Variants in FREM2 observed in about 807,000 individuals in gnomAD.
The protein encoded by FREM2 is FRAS1 related extracellular matrix 2, also known as FRAS1-related extracellular matrix protein 2.
FREM2 carries 119 observed loss-of-function variants against 219.9 expected under a neutral mutation model. That is an observed-to-expected ratio of 0.54 (90% CI 0.47 to 0.63). The LOEUF (loss-of-function observed/expected upper bound fraction) is 0.63, where lower values mean the gene tolerates loss of function less well. Ranked by LOEUF, FREM2 falls within the 30% of genes least tolerant of loss-of-function variation. FREM2 has a pLI of 0.00. For missense variants in FREM2, 4,030 were observed against 3,993.6 expected, an observed-to-expected ratio of 1.01 and a Z score of -0.25; for synonymous variants, 1,562 against 1,522.8, an observed-to-expected ratio of 1.03 and a Z score of -0.60.
chr13:38,688,063 C>A lies in FREM2; in HGVS notation c.719C>A (p.Pro240His). 6.2e-7 allele frequency: 1 copy of A among 1,609,198 alleles called. No homozygotes were observed. Among genetic ancestry groups the A allele is most frequent in the Non-Finnish European group, 8.5e-7 (1 of 1,176,292 alleles). The change falls in exon 1 of 24, where the codon CCT becomes CAT. Residue 240 changes from proline (P) to histidine (H), a missense_variant. Around this residue, in one of 2 missense-constraint regions of FREM2, gnomAD observed 3,102 missense variants for 2,950.7 expected, o/e 1.05. Transcript: ENST00000280481. ...GAACTCCTCCACTACCCGCAGGTCC[C>A]TGGAGGAGCCAGAGAGGGAGGCGCC... The part of the protein sequence containing the change: ...YGELLHYPQV[P>H]GGAREGGAPE...
At chr13:38,857,681 A>G (rs977247563) in intron 12 of FREM2, among the ~76,000 whole-genome samples, 194 bp from the exon 13 acceptor site, 19 of 152,160 alleles carry the variant, frequency 1.2e-4, no homozygotes, top group South Asian at 4.1e-4. Flanking sequence ...TGGAACCATA[A>G]GATGTGAACA....
Position 38,690,629 on chromosome 13 carries a change from C to G in FREM2, c.3285C>G (p.Val1095=), listed in dbSNP as rs747810659. The G allele has an allele frequency of 6.2e-7, 1 of 1,613,770 alleles. No individual in the cohort carries two copies. Among genetic ancestry groups the G allele is most frequent in the Non-Finnish European group, 8.5e-7 (1 of 1,179,972 alleles). The stretch of plus-strand genomic sequence containing the variant: ...CAGTGCATATAAGTGCTGAAGATGT[C>G]GACTCCCTGAATGATGACATCTTGT... ...ITSVHISAED[V]DSLNDDILCT... is the part of the protein sequence containing the mutation. Residue 1095 remains valine (V), a synonymous_variant, in exon 1 of 24, where the codon GTC becomes GTG. Transcript: ENST00000280481.
rs573488488 is a variant in FREM2, at chr13:38,734,757, T to C, written c.5264-29547T>C. Among the ~76,000 whole-genome samples, 12 of 148,022 alleles carry C rather than the reference T, an allele frequency of 8.1e-5. No homozygotes were observed. The South Asian group carries it at 2.4e-3, about 29-fold the overall frequency. ...GCTATACTTTTTTTTTTTTTTTTTT[T>C]TTTTTCTGAAACACAGTCTCACTCT... On this transcript the variant is annotated intron_variant, in intron 2 of 23. Coordinates refer to ENST00000280481, the MANE Select transcript of FREM2 (RefSeq NM_207361.6).
intron 14 of FREM2, among the ~76,000 whole-genome samples, chr13:38,860,362 C>G (rs1166948650): frequency 6.6e-6 from 1 of 152,146 alleles, no homozygotes; most frequent in Admixed American, 6.5e-5. Context: ...AGGAAATCCA[C>G]TGTATAAATA....
intron 6 of FREM2, among the ~76,000 whole-genome samples, chr13:38,807,189 T>TATGTATA (rs1555268805): frequency 4.4e-5 from 2 of 45,378 alleles, no homozygotes; most frequent in Admixed American, 3.8e-4. Context: ...CTTGTCTCTG[T>TATGTATA]TATATATATA....
At chr13:38,761,278 G>A (rs1041372851) in intron 2 of FREM2, among the ~76,000 whole-genome samples, 33 of 152,238 alleles carry the variant, frequency 2.2e-4, no homozygotes, top group Non-Finnish European at 5.9e-5. Context: ...AAAAAGCTTG[G>A]TAGAGCATGA....
At chr13:38,745,603 T>C (rs557299053) in intron 2 of FREM2, among the ~76,000 whole-genome samples, 54 of 152,300 alleles carry the variant, frequency 3.5e-4, no homozygotes, top group African/African-American at 9.1e-4. Context: ...GGAGTCTAGG[T>C]TGGCACCCTA....
intron 2 of FREM2, among the ~76,000 whole-genome samples, chr13:38,739,236 C>T (rs1383496631): frequency 6.6e-6 from 1 of 152,054 alleles, no homozygotes; most frequent in Non-Finnish European, 1.5e-5. Flanking sequence ...ATTTTAAAAA[C>T]AGGAAAATAT....
intron 17 of FREM2, among the ~76,000 whole-genome samples, chr13:38,873,514 A>G (rs143875061): frequency 6.6e-6 from 1 of 152,320 alleles, no homozygotes; most frequent in African/African-American, 2.4e-5. Flanking sequence ...CTTTAGTTGA[A>G]TGTCTGCGAA....
chr13:38,697,141 G>A (rs1870144567), intron 1 of FREM2, among the ~76,000 whole-genome samples: 1 of 152,100 alleles, frequency 6.6e-6, no homozygotes, highest in African/African-American at 2.4e-5. Context: ...TCAACAGGGA[G>A]TCATCAGTTA....
intron 6 of FREM2, among the ~76,000 whole-genome samples, chr13:38,826,340 A>G (rs1431330370): frequency 1.3e-5 from 2 of 152,120 alleles, no homozygotes; most frequent in African/African-American, 4.8e-5. Flanking sequence ...GGCATTTCGT[A>G]AGTGACTGAG....
intron 21 of FREM2, among the ~76,000 whole-genome samples, chr13:38,877,685 T>C (rs553189212): frequency 6.6e-6 from 1 of 152,206 alleles, no homozygotes; most frequent in Non-Finnish European, 1.5e-5. Context: ...AAATAAAGAA[T>C]TGAACACCAG....
chr13:38,837,785 G>GTT (rs1333688816), intron 6 of FREM2, among the ~76,000 whole-genome samples: 7 of 138,068 alleles, frequency 5.1e-5, no homozygotes, highest in African/African-American at 1.8e-4. Flanking sequence ...GTTTTGTTTT[G>GTT]TTTTGTTTTT....
At chr13:38,726,563 T>C (rs1187919123) in intron 2 of FREM2, among the ~76,000 whole-genome samples, 1 of 152,114 alleles carries the variant, frequency 6.6e-6, no homozygotes, top group Admixed American at 6.6e-5. Flanking sequence ...GTGTGTGGCA[T>C]AGGGAGAGAG....
At chr13:38,850,890 G>C in intron 9 of FREM2, 54 bp from the exon 10 acceptor site, 1 of 1,594,308 alleles carries the variant, frequency 6.3e-7, no homozygotes, top group Non-Finnish European at 8.5e-7. Context: ...TCACATTCTA[G>C]TTGTAGATAT....
In FREM2 at chr13:38,880,874, A is replaced by G; in HGVS notation, c.*87A>G. 2 of 1,456,520 alleles carry G rather than the reference A, an allele frequency of 1.4e-6. No homozygotes were observed. The highest frequency in any genetic ancestry group is 1.9e-6 in the Non-Finnish European group (2 of 1,047,130). The allele number at this position is 1,456,520 out of a possible 1,614,324, so 90.2% of individuals were successfully genotyped here. A position where few individuals can be genotyped will look rare whatever the true frequency, so the allele number is the denominator to read the frequency against. On this transcript the variant is annotated 3_prime_UTR_variant, in exon 24 of 24. Coordinates refer to ENST00000280481, the MANE Select transcript of FREM2 (RefSeq NM_207361.6). Reference sequence around the variant, plus strand: ...TAAATACTTCTGGTAAACCATAGAGAATGGAGGATGGCTGTGATGAAGCTG... The same window carrying G: ...TAAATACTTCTGGTAAACCATAGAGGATGGAGGATGGCTGTGATGAAGCTG...
At chr13:38,732,215 G>T (rs573670303) in intron 2 of FREM2, among the ~76,000 whole-genome samples, 7 of 152,254 alleles carry the variant, frequency 4.6e-5, no homozygotes, top group Non-Finnish European at 7.4e-5. Context: ...TTTTCAAGTT[G>T]AAATCTTAAA....
intron 2 of FREM2, among the ~76,000 whole-genome samples, chr13:38,708,622 C>G (rs1347642817): frequency 6.6e-6 from 1 of 152,028 alleles, no homozygotes; most frequent in African/African-American, 2.4e-5. Context: ...CCACTGCACC[C>G]CAGCCTGGGT....
chr13:38,866,752 A>G (rs1038590351), intron 16 of FREM2, among the ~76,000 whole-genome samples: 39 of 152,030 alleles, frequency 2.6e-4, no homozygotes, highest in African/African-American at 9.4e-4. Flanking sequence ...ACCCTTAAGA[A>G]TGTTTTCTAT....
Sources: gnomAD v4.1 joint callset for allele counts (sites outside exome capture counted in the v4.1 genomes callset) on GRCh38, gnomAD v4.1.1 for gene constraint, gnomAD v4.1.1 regional missense constraint, MANE v1.5 for transcripts, NCBI Gene and HGNC (gene_info 2026-07-23, HGNC 2026-07-21) for gene names.